The following AFAP1 variants were observed in gnomAD, a reference collection of about 807,000 sequenced individuals.
AFAP1 encodes actin filament associated protein 1, also known as actin filament-associated protein 1.
A neutral mutation model predicts 93.9 loss-of-function variants in AFAP1; 75 were observed. The ratio of observed to expected loss-of-function variants is 0.80; its 90% CI spans 0.66 to 0.97. The LOEUF is 0.97. AFAP1 is among the 50% of genes least tolerant of loss of function. The pLI is 0.00. For missense variants in AFAP1, 1,201 were observed against 1,050.8 expected (o/e 1.14, Z -1.98); for synonymous variants, 517 against 430.7 (o/e 1.20, Z -2.48).
chr4:7,927,672 G>A (rs1577366234), intron 1 of AFAP1, among the ~76,000 whole-genome samples: 2 of 152,188 alleles, frequency 1.3e-5, no homozygotes, highest in East Asian at 1.9e-4. Flanking sequence ...AAATTTGTTT[G>A]TGTAACATAT....
chr4:7,830,491 A>C lies in AFAP1; in HGVS notation c.726+8033T>G, dbSNP rs76965476. ...AAGCAGATAATTCTGAGTGAGAAAA[A>C]ACAGCTGCAGGGTTTGTGGAGTTTG... On this transcript the variant is annotated intron_variant, in intron 6 of 17. Transcript: ENST00000420658. Among the ~76,000 whole-genome samples, 916 of 152,364 alleles carry C rather than the reference A, an allele frequency of 6.0e-3. 6 individuals carry two copies. Among genetic ancestry groups the C allele is most frequent in the Non-Finnish European group, 0.011 (729 of 68,038 alleles).
At chr4:7,834,964 A>T in intron 6 of AFAP1, among the ~76,000 whole-genome samples, 1 of 84,520 alleles carries the variant, frequency 1.2e-5, no homozygotes, top group African/African-American at 4.5e-5. Flanking sequence ...GCTGCCTTAA[A>T]GTTACCTGGG....
intron 1 of AFAP1, among the ~76,000 whole-genome samples, chr4:7,934,333 C>T (rs896983621): frequency 6.6e-6 from 1 of 152,200 alleles, no homozygotes; most frequent in South Asian, 2.1e-4. Flanking sequence ...ATGTCCAGGT[C>T]GGTTTTTCCC....
chr4:7,928,602 G>T (rs1238075305), intron 1 of AFAP1, among the ~76,000 whole-genome samples: 1 of 152,136 alleles, frequency 6.6e-6, no homozygotes, highest in East Asian at 1.9e-4. Flanking sequence ...TGGCCAGGCT[G>T]GTCTCAAACT....
intron 1 of AFAP1, among the ~76,000 whole-genome samples, chr4:7,930,241 C>A (rs1017629814): frequency 2.0e-5 from 3 of 152,222 alleles, no homozygotes; most frequent in Non-Finnish European, 4.4e-5. Flanking sequence ...GAGGTCGGGG[C>A]TCCCATGCCC....
chr4:7,902,219 C>T (rs569999832), intron 1 of AFAP1, among the ~76,000 whole-genome samples: 2 of 152,130 alleles, frequency 1.3e-5, no homozygotes, highest in Non-Finnish European at 2.9e-5. Context: ...GCGGGCTTCC[C>T]GGGTCCCAAA....
chr4:7,804,178 C>T (rs1439169597), intron 9 of AFAP1, among the ~76,000 whole-genome samples: 2 of 151,496 alleles, frequency 1.3e-5, no homozygotes, highest in African/African-American at 4.8e-5. Flanking sequence ...GGAAAGGTTA[C>T]GCTGGAGCAA....
chr4:7,860,949 G>A (rs981981736), intron 3 of AFAP1, among the ~76,000 whole-genome samples: 2 of 152,084 alleles, frequency 1.3e-5, no homozygotes, highest in Non-Finnish European at 2.9e-5. Flanking sequence ...CCTCGTGGCT[G>A]GCACTCCGCC....
intron 3 of AFAP1, chr4:7,862,215 C>G (rs557443617): frequency 6.6e-6 from 1 of 152,184 alleles, no homozygotes; most frequent in East Asian, 1.9e-4. Flanking sequence ...CATCTGTAGT[C>G]CCAGCTACTC....
intron 1 of AFAP1, among the ~76,000 whole-genome samples, chr4:7,904,678 G>A (rs187696332): frequency 1.7e-4 from 26 of 150,388 alleles, no homozygotes; most frequent in African/African-American, 2.4e-5. Context: ...GTTAACTACT[G>A]CCACTATTAC....
intron 6 of AFAP1, among the ~76,000 whole-genome samples, chr4:7,819,907 G>A (rs1720814834): frequency 6.6e-6 from 1 of 152,230 alleles, no homozygotes; most frequent in Admixed American, 6.5e-5. Flanking sequence ...TCTGAAAAGT[G>A]CAGGTGCAAC....
At chr4:7,785,842 G>T (rs1717207336) in intron 12 of AFAP1, among the ~76,000 whole-genome samples, 1 of 152,172 alleles carries the variant, frequency 6.6e-6, no homozygotes, top group African/African-American at 2.4e-5. Flanking sequence ...GGAGGCTGAG[G>T]TGGGAGGATC....
intron 1 of AFAP1, among the ~76,000 whole-genome samples, chr4:7,895,862 T>G (rs1718733274): frequency 6.6e-6 from 1 of 150,448 alleles, no homozygotes; most frequent in African/African-American, 2.4e-5. Context: ...GTTTTTTTTT[T>G]TTTTTTTTTT....
chr4:7,868,929 A>G (rs1716740857), intron 2 of AFAP1, among the ~76,000 whole-genome samples: 1 of 151,298 alleles, frequency 6.6e-6, no homozygotes, highest in Admixed American at 6.6e-5. Context: ...AAGAAAAGAA[A>G]AGAGAAAGAG....
At chr4:7,812,188 T>C (rs1397333019) in intron 8 of AFAP1, among the ~76,000 whole-genome samples, 3 of 152,102 alleles carry the variant, frequency 2.0e-5, no homozygotes, top group East Asian at 1.9e-4. Context: ...CACAGCCGCA[T>C]TCCCGTGAGC....
chr4:7,908,281 C>G (rs1719540345), intron 1 of AFAP1, among the ~76,000 whole-genome samples: 1 of 152,174 alleles, frequency 6.6e-6, no homozygotes, highest in Non-Finnish European at 1.5e-5. Context: ...AAGCCCTGCT[C>G]TATGCTCCAA....
At chr4:7,807,206 A>AAACAAG (rs1287014009) in intron 9 of AFAP1, among the ~76,000 whole-genome samples, 1 of 152,172 alleles carries the variant, frequency 6.6e-6, no homozygotes, top group Admixed American at 6.5e-5. Context: ...GAGCATTAAA[A>AAACAAG]AACAAAAACA....
In AFAP1 at chr4:7,759,569, G is replaced by A. The variant is rs184083740; in HGVS notation, c.*4196C>T. ...GGGATAAGAAGACAGTGACAACCAG[G>A]AAAAAATGAATTATCCTCCTTCAAA... On this transcript the variant is annotated 3_prime_UTR_variant, in exon 18 of 18. Coordinates refer to ENST00000420658, the MANE Select transcript of AFAP1 (RefSeq NM_001134647.2). The A allele has an allele frequency of 4.0e-3, 613 of 152,734 alleles. No homozygotes were observed. The highest frequency in any genetic ancestry group is 7.2e-3 in the Non-Finnish European group (493 of 68,024). The allele number at this position is 152,734 out of a possible 1,614,324, so 9.5% of individuals were successfully genotyped here.
At chr4:7,771,965 G>A (rs1382586762) in intron 16 of AFAP1, among the ~76,000 whole-genome samples, 1 of 152,180 alleles carries the variant, frequency 6.6e-6, no homozygotes, top group East Asian at 1.9e-4. Context: ...ACTCAGGGCT[G>A]CCGTCAACCC....
Sources: allele counts gnomAD v4.1 joint callset (sites outside exome capture counted in the v4.1 genomes callset), GRCh38; gene constraint gnomAD v4.1.1; transcripts MANE v1.5; gene names NCBI Gene and HGNC (gene_info 2026-07-23, HGNC 2026-07-21).